The following IL19 variants were observed in gnomAD, a reference collection of about 807,000 sequenced individuals.
IL19 encodes the protein interleukin-19.
IL19 carries 15 observed loss-of-function variants against 19.5 expected under a neutral mutation model. The ratio of observed to expected loss-of-function variants is 0.77; its 90% CI spans 0.52 to 1.19. IL19 has a LOEUF of 1.19. Ranked by LOEUF, IL19 falls within the 50% of genes most tolerant of loss-of-function variation. The pLI is 0.00. For missense variants in IL19, 199 were observed against 213.1 expected (o/e 0.93, Z 0.41); for synonymous variants, 78 against 78.3 (o/e 1.00, Z 0.02).
chr1:206,811,443 C>CAAA (rs61026012), intron 2 of IL19, among the ~76,000 whole-genome samples: 3 of 99,716 alleles, frequency 3.0e-5, no homozygotes, highest in Non-Finnish European at 6.2e-5. Context: ...GACTCCGTCT[C>CAAA]AAAAAAAAAA....
intron 1 of IL19, among the ~76,000 whole-genome samples, chr1:206,792,070 T>C (rs1038261424): frequency 6.6e-6 from 1 of 152,214 alleles, no homozygotes; most frequent in Admixed American, 6.5e-5. Context: ...TTCTCTGGAA[T>C]TGCCCCATCC....
At chr1:206,840,125 G>C in intron 5 of IL19, 123 bp downstream of exon 5, 1 of 1,096,134 alleles carries the variant, frequency 9.1e-7, no homozygotes. Flanking sequence ...CTCTGCGCAC[G>C]TCCACAGGGA....
intron 1 of IL19, among the ~76,000 whole-genome samples, chr1:206,785,812 C>A (rs1477106076): frequency 6.6e-6 from 1 of 152,218 alleles, no homozygotes; most frequent in East Asian, 1.9e-4. Context: ...TATAGTGTAA[C>A]CCCTGCTTTG....
chr1:206,808,696 C>T (rs74151403), intron 2 of IL19, among the ~76,000 whole-genome samples: 2,828 of 152,146 alleles, frequency 0.019, 79 homozygotes, highest in African/African-American at 0.065. Context: ...GAAAGTGTTG[C>T]CATGAGGACA....
chr1:206,788,788 T>C (rs2015273), intron 1 of IL19, among the ~76,000 whole-genome samples: 129,341 of 152,228 alleles, frequency 0.85, 55,123 homozygotes, highest in Non-Finnish European at 0.88. Context: ...GCAGGCAGGA[T>C]GGAGGCAAGA....
At chr1:206,794,897 T>G (rs1433847942) in intron 1 of IL19, among the ~76,000 whole-genome samples, 3 of 152,174 alleles carry the variant, frequency 2.0e-5, no homozygotes, top group Middle Eastern at 3.2e-3. Flanking sequence ...GCAAAAGTGC[T>G]GTGGGATGGA....
chr1:206,771,092 T>G lies in IL19; in HGVS notation c.-149+14T>G, dbSNP rs1217728233. 2 of 1,612,788 alleles carry G rather than the reference T, an allele frequency of 1.2e-6. No individual in the cohort carries two copies. Among genetic ancestry groups the G allele is most frequent in the South Asian group, 2.2e-5 (2 of 91,058 alleles). On this transcript the variant is annotated intron_variant, in intron 1 of 6. Coordinates refer to ENST00000659997, the MANE Select transcript of IL19 (RefSeq NM_153758.5). The stretch of plus-strand genomic sequence containing the variant: ...CAGGAGCCAAAGGTGAGTGAGAGAT[T>G]GGCGGAGGTGGCTGGGAGGAGGGGC...
chr1:206,816,226 G>A (rs1429337699), intron 2 of IL19, among the ~76,000 whole-genome samples: 1 of 152,092 alleles, frequency 6.6e-6, no homozygotes, highest in African/African-American at 2.4e-5. Flanking sequence ...CTGAATATAT[G>A]CAAAGAAATA....
intron 1 of IL19, among the ~76,000 whole-genome samples, chr1:206,791,984 G>C (rs1373943098): frequency 6.6e-6 from 1 of 152,146 alleles, no homozygotes; most frequent in Non-Finnish European, 1.5e-5. Flanking sequence ...GTCTTCCCAG[G>C]CTGGTTGGAT....
At chr1:206,822,220 A>T (rs895305694) in intron 2 of IL19, among the ~76,000 whole-genome samples, 1 of 152,128 alleles carries the variant, frequency 6.6e-6, no homozygotes, top group Admixed American at 6.5e-5. Context: ...GGAAATGGAG[A>T]AGGGCGATAG....
intron 2 of IL19, chr1:206,833,763 G>C (rs1429758582): frequency 1.0e-6 from 1 of 985,356 alleles, no homozygotes; most frequent in Non-Finnish European, 1.2e-6. Flanking sequence ...AACCCTCCAG[G>C]GGACAAGATG....
intron 2 of IL19, among the ~76,000 whole-genome samples, chr1:206,816,874 C>T (rs1327565195): frequency 6.6e-6 from 1 of 152,140 alleles, no homozygotes; most frequent in African/African-American, 2.4e-5. Flanking sequence ...AACTGTCCCT[C>T]AGTGAGTTAA....
At chr1:206,799,427 T>C (rs952872827) in intron 2 of IL19, among the ~76,000 whole-genome samples, 6 of 152,130 alleles carry the variant, frequency 3.9e-5, no homozygotes, top group Admixed American at 1.3e-4. Flanking sequence ...ATCCATGGGA[T>C]GGAAGCTGCT....
intron 4 of IL19, among the ~76,000 whole-genome samples, chr1:206,839,458 T>C (rs1220280786): frequency 1.3e-5 from 2 of 152,118 alleles, no homozygotes; most frequent in Admixed American, 1.3e-4. Flanking sequence ...CCCTGTAGTG[T>C]AGGGAAGTTC....
intron 2 of IL19, among the ~76,000 whole-genome samples, chr1:206,809,140 G>T (rs1052941889): frequency 2.0e-5 from 3 of 152,160 alleles, no homozygotes; most frequent in African/African-American, 7.2e-5. Context: ...CTTCACCTAG[G>T]AGCTGTGAAG....
chr1:206,805,415 G>T (rs1347914739), intron 2 of IL19, among the ~76,000 whole-genome samples: 1 of 152,142 alleles, frequency 6.6e-6, no homozygotes, highest in Non-Finnish European at 1.5e-5. Context: ...ACTTTTTTCT[G>T]TTTATCAAAG....
At chr1:206,830,435 G>C (rs1260345791) in intron 2 of IL19, among the ~76,000 whole-genome samples, 1 of 149,856 alleles carries the variant, frequency 6.7e-6, no homozygotes, top group South Asian at 2.1e-4. Flanking sequence ...CTTTTTTTTT[G>C]TTTTATTTTC....
At chr1:206,791,915 T>C (rs565588765) in intron 1 of IL19, among the ~76,000 whole-genome samples, 6 of 152,148 alleles carry the variant, frequency 3.9e-5, no homozygotes, top group Admixed American at 2.0e-4. Flanking sequence ...ATTGGAATGT[T>C]CCTGGTCCTG....
chr1:206,814,962 A>G (rs1416511545), intron 2 of IL19, among the ~76,000 whole-genome samples: 2 of 152,208 alleles, frequency 1.3e-5, no homozygotes, highest in Non-Finnish European at 2.9e-5. Flanking sequence ...TAAAACAACA[A>G]CAATCATTTA....
Sources: gnomAD v4.1 joint callset for allele counts (sites outside exome capture counted in the v4.1 genomes callset) on GRCh38, gnomAD v4.1.1 for gene constraint, MANE v1.5 for transcripts, NCBI Gene and HGNC (gene_info 2026-07-23, HGNC 2026-07-21) for gene names.